Variants in EMB observed in about 807,000 individuals in gnomAD.
EMB encodes embigin homolog.
In EMB, 31 loss-of-function variants were observed where a neutral mutation model predicts 41.4. The ratio of observed to expected loss-of-function variants is 0.75; its 90% CI spans 0.56 to 1.01. The LOEUF (loss-of-function observed/expected upper bound fraction) is 1.01. EMB is among the 50% of genes least tolerant of loss of function. The pLI, the probability that EMB is intolerant of heterozygous loss-of-function variation, is 0.00. For synonymous variants in EMB, 137 were observed against 140.4 expected, an observed-to-expected ratio of 0.98 and a Z score of 0.17; for missense variants, 379 against 388.3, an observed-to-expected ratio of 0.98 and a Z score of 0.20.
rs1422553115 is a variant in EMB, at chr5:50,399,237, A to G, written c.*36T>C. ...AACAAAGCTGAAATACGAACTCTGT[A>G]TATCTTCCAATGATTCTCGACATGA... On this transcript the variant is annotated 3_prime_UTR_variant, in exon 9 of 9. Transcript: ENST00000303221. 4.4e-6 allele frequency: 7 copies of G among 1,606,942 alleles called. No homozygotes were observed. The highest frequency in any genetic ancestry group is 4.0e-5 in the African/African-American group (3 of 74,550).
intron 6 of EMB, 120 bp from the exon 7 acceptor site, chr5:50,402,439 T>G: frequency 1.1e-6 from 1 of 907,100 alleles, no homozygotes; most frequent in Non-Finnish European, 1.8e-6. Context: ...CTGTTTGGAA[T>G]GAAGGAGAGA....
upstream of EMB, among the ~76,000 whole-genome samples, chr5:50,442,720 C>G (rs1239290270): frequency 6.6e-6 from 1 of 152,210 alleles, no homozygotes; most frequent in Non-Finnish European, 1.5e-5. Context: ...TAATCAATGG[C>G]TGCTACATCA....
intron 1 of EMB, among the ~76,000 whole-genome samples, chr5:50,433,237 G>C (rs1047541687): frequency 2.6e-5 from 4 of 151,678 alleles, no homozygotes; most frequent in Non-Finnish European, 4.4e-5. Flanking sequence ...TTACAGACAA[G>C]GTTTTTTTTT....
At chr5:50,426,679 A>T (rs766246072) in intron 2 of EMB, among the ~76,000 whole-genome samples, 31 of 152,204 alleles carry the variant, frequency 2.0e-4, no homozygotes, top group Admixed American at 9.8e-4. Flanking sequence ...GAAATGTTAT[A>T]AGTATTGTTT....
intron 4 of EMB, among the ~76,000 whole-genome samples, chr5:50,408,971 T>C (rs1346026602): frequency 6.6e-6 from 1 of 152,120 alleles, no homozygotes; most frequent in Non-Finnish European, 1.5e-5. Flanking sequence ...CAAGATATAA[T>C]ACATACTTAA....
chr5:50,428,733 C>A, intron 1 of EMB: 1 of 985,370 alleles, frequency 1.0e-6, no homozygotes, highest in Non-Finnish European at 1.2e-6. Flanking sequence ...TTTCTAGCTA[C>A]GGTTACCAAG....
chr5:50,442,147 C>T (rs1375138897), upstream of EMB, among the ~76,000 whole-genome samples: 1 of 152,018 alleles, frequency 6.6e-6, no homozygotes, highest in Non-Finnish European at 1.5e-5. Flanking sequence ...TTTGTTTCCT[C>T]TCCCTTTATT....
intron 4 of EMB, among the ~76,000 whole-genome samples, chr5:50,409,314 A>G (rs1745296874): frequency 6.6e-6 from 1 of 152,134 alleles, no homozygotes; most frequent in Admixed American, 6.6e-5. Context: ...AAAACTAATG[A>G]GAAAAATGTG....
chr5:50,414,400 G>A (rs1418829607), intron 2 of EMB, among the ~76,000 whole-genome samples: 5 of 151,574 alleles, frequency 3.3e-5, no homozygotes, highest in Admixed American at 3.3e-4. Flanking sequence ...GGTAGTGCAT[G>A]CCTGTGGTCC....
At chr5:50,418,822 T>C (rs1323285950) in intron 2 of EMB, among the ~76,000 whole-genome samples, 1 of 152,206 alleles carries the variant, frequency 6.6e-6, no homozygotes, top group East Asian at 1.9e-4. Context: ...GCCAAAATCC[T>C]TTATTCAACA....
Position 50,428,424 on chromosome 5 carries a change from TTTC to T in EMB, c.113-200_113-198del, listed in dbSNP as rs1745658240. 54 of 1,211,564 alleles carry T rather than the reference TTTC, an allele frequency of 4.5e-5. No individual in the cohort carries two copies. The South Asian group carries it at 1.5e-3, about 33-fold the overall frequency. The allele number at this position is 1,211,564 out of a possible 1,614,324, so 75.1% of individuals were successfully genotyped here. ...AAATGTGAAAAAAATTCTGATTTTTTTTCTTTTTTAACCTAAAAATCCCTACTG... is the reference window on the plus strand; with the variant it reads ...AAATGTGAAAAAAATTCTGATTTTTTTTTTTTAACCTAAAAATCCCTACTG... On this transcript the variant is annotated intron_variant, in intron 1 of 8. Coordinates refer to ENST00000303221, the MANE Select transcript of EMB (RefSeq NM_198449.3).
chr5:50,412,240 CCACACACACACACACAGACA>C (rs1352298987), intron 2 of EMB, among the ~76,000 whole-genome samples: 17 of 134,946 alleles, frequency 1.3e-4, no homozygotes, highest in African/African-American at 3.8e-4. Context: ...CACACACACA[CCACACACACACACACAGACA>C]CACACACACA....
chr5:50,418,947 T>C (rs1745471409), intron 2 of EMB, among the ~76,000 whole-genome samples: 1 of 152,222 alleles, frequency 6.6e-6, no homozygotes, highest in Non-Finnish European at 1.5e-5. Flanking sequence ...CTCCTTCCAT[T>C]TTATTAAAAT....
At chr5:50,426,945 C>A (rs1249364924) in intron 2 of EMB, among the ~76,000 whole-genome samples, 3 of 149,544 alleles carry the variant, frequency 2.0e-5, no homozygotes, top group Admixed American at 6.7e-5. Flanking sequence ...CTGCCCGGGG[C>A]TAATACTGCA....
intron 1 of EMB, among the ~76,000 whole-genome samples, chr5:50,439,935 C>T (rs1016124451): frequency 1.3e-5 from 2 of 152,056 alleles, no homozygotes; most frequent in Non-Finnish European, 2.9e-5. Context: ...ACATTTATGA[C>T]ACAGAAACTT....
chr5:50,411,203 T>G lies in EMB; in HGVS notation c.377A>C (p.Gln126Pro). The part of the protein sequence containing the change: ...VSATGSTLYT[Q>P]YRFTIINSKQ... Reference sequence around the variant, plus strand: ...TTAAAATTTGTATACTCACCTGTATTGGGTATACAAGGTGCTTCCTGTTGC... The same window carrying G: ...TTAAAATTTGTATACTCACCTGTATGGGGTATACAAGGTGCTTCCTGTTGC... Residue 126 changes from glutamine to proline, a missense_variant, in exon 3 of 9, where the codon CAA (glutamine) becomes CCA (proline). Coordinates refer to ENST00000303221, the MANE Select transcript of EMB (RefSeq NM_198449.3). 2 of 1,609,462 alleles carry G rather than the reference T, an allele frequency of 1.2e-6. No individual in the cohort carries two copies. Among genetic ancestry groups the G allele is most frequent in the Non-Finnish European group, 1.7e-6 (2 of 1,177,564 alleles).
intron 2 of EMB, among the ~76,000 whole-genome samples, chr5:50,418,074 C>T (rs1181229750): frequency 2.6e-5 from 4 of 152,188 alleles, no homozygotes; most frequent in African/African-American, 4.8e-5. Flanking sequence ...TCCAGAATTG[C>T]ATGTCTCTTG....
intron 1 of EMB, among the ~76,000 whole-genome samples, chr5:50,432,178 A>G (rs1745730165): frequency 6.6e-6 from 1 of 152,218 alleles, no homozygotes; most frequent in African/African-American, 2.4e-5. Flanking sequence ...AAATGCAACT[A>G]CATCTCTGAT....
intron 2 of EMB, among the ~76,000 whole-genome samples, chr5:50,414,490 A>C (rs1745396342): frequency 7.0e-6 from 1 of 142,290 alleles, no homozygotes; most frequent in South Asian, 2.4e-4. Context: ...GCACTACTGC[A>C]CGCCAGGCAA....
Sources: gnomAD v4.1 joint callset for allele counts (sites outside exome capture counted in the v4.1 genomes callset) on GRCh38, gnomAD v4.1.1 for gene constraint, MANE v1.5 for transcripts, NCBI Gene and HGNC (gene_info 2026-07-23, HGNC 2026-07-21) for gene names.